Variants in ARL15 observed in about 807,000 individuals in gnomAD.
ARL15 encodes the protein ADP-ribosylation factor-like protein 15.
In ARL15, 19 loss-of-function variants were observed where a neutral mutation model predicts 25.2. The observed-to-expected ratio is 0.75, with a 90% CI of 0.53 to 1.10. The LOEUF (loss-of-function observed/expected upper bound fraction) is 1.10. ARL15 is among the 50% of genes least tolerant of loss of function. The probability of loss-of-function intolerance (pLI) is 0.00; values close to 1 mark genes in which losing one functional copy is unlikely to be tolerated. For synonymous variants in ARL15, 94 were observed against 86.8 expected, an observed-to-expected ratio of 1.08 and a Z score of -0.46; for missense variants, 220 against 246.0, an observed-to-expected ratio of 0.89 and a Z score of 0.71.
At chr5:54,189,973 A>G (rs1755349501) in intron 1 of ARL15, among the ~76,000 whole-genome samples, 1 of 152,228 alleles carries the variant, frequency 6.6e-6, no homozygotes, top group African/African-American at 2.4e-5. Context: ...CTGAACAATA[A>G]AAAAACTGTT....
chr5:54,300,277 G>A (rs1271364064), intron 1 of ARL15, among the ~76,000 whole-genome samples: 2 of 152,212 alleles, frequency 1.3e-5, no homozygotes, highest in East Asian at 1.9e-4. Flanking sequence ...CTCTTGGTAC[G>A]TTTGCTCTGT....
intron 1 of ARL15, among the ~76,000 whole-genome samples, chr5:54,304,883 A>G (rs1238378236): frequency 2.0e-5 from 3 of 152,186 alleles, no homozygotes; most frequent in Non-Finnish European, 4.4e-5. Flanking sequence ...CAGTTCACAG[A>G]TAACTGAACA....
intron 1 of ARL15, among the ~76,000 whole-genome samples, chr5:54,200,122 C>T (rs1270931666): frequency 3.0e-5 from 4 of 131,946 alleles, no homozygotes; most frequent in Non-Finnish European, 3.1e-5. Flanking sequence ...GGAAGGGGAA[C>T]ATCACACTCT....
chr5:54,206,263 T>C (rs773220003), intron 1 of ARL15, among the ~76,000 whole-genome samples: 73 of 152,202 alleles, frequency 4.8e-4, no homozygotes, highest in Non-Finnish European at 1.9e-4. Context: ...ATCAACCTTC[T>C]GAGTTTGTAC....
intron 3 of ARL15, among the ~76,000 whole-genome samples, chr5:54,120,730 A>G (rs1312095442): frequency 6.6e-6 from 1 of 152,184 alleles, no homozygotes; most frequent in Non-Finnish European, 1.5e-5. Context: ...ATTCTAGAAA[A>G]TCTGGTGGCA....
chr5:54,079,362 T>A (rs561732270), intron 4 of ARL15, among the ~76,000 whole-genome samples: 41 of 152,330 alleles, frequency 2.7e-4, no homozygotes, highest in African/African-American at 9.1e-4. Context: ...ACCATGGATC[T>A]TAACAGAAAC....
intron 4 of ARL15, among the ~76,000 whole-genome samples, chr5:53,954,923 C>T (rs1262577901): frequency 6.6e-5 from 10 of 152,118 alleles, no homozygotes; most frequent in Non-Finnish European, 1.5e-4. Flanking sequence ...ACATATGTGC[C>T]ATACTCCAAC....
At chr5:54,215,844 C>A (rs1472226683) in intron 1 of ARL15, among the ~76,000 whole-genome samples, 1 of 152,044 alleles carries the variant, frequency 6.6e-6, no homozygotes, top group African/African-American at 2.4e-5. Flanking sequence ...AAGAATGGAT[C>A]CAAGGTGTAA....
intron 1 of ARL15, among the ~76,000 whole-genome samples, chr5:54,173,979 C>T (rs1347949956): frequency 1.3e-5 from 2 of 152,122 alleles, no homozygotes; most frequent in East Asian, 1.9e-4. Flanking sequence ...ACTTAATCAT[C>T]CCATCCTCAG....
intron 4 of ARL15, among the ~76,000 whole-genome samples, chr5:53,905,055 C>A (rs940220649): frequency 3.3e-5 from 5 of 152,118 alleles, no homozygotes; most frequent in Admixed American, 2.6e-4. Context: ...ATTAACTGTT[C>A]AACTACCAGT....
intron 4 of ARL15, among the ~76,000 whole-genome samples, chr5:54,005,979 G>A (rs890260932): frequency 3.3e-5 from 5 of 150,488 alleles, no homozygotes; most frequent in African/African-American, 1.2e-4. Context: ...GAACCCAGGA[G>A]GTGGAGGTTG....
intron 4 of ARL15, among the ~76,000 whole-genome samples, chr5:54,096,039 C>G (rs928296292): frequency 1.3e-5 from 2 of 152,110 alleles, no homozygotes; most frequent in Non-Finnish European, 1.5e-5. Context: ...TAATTTATTA[C>G]TTCATTTTTG....
At chr5:54,105,487 A>C (rs1752560748) in intron 4 of ARL15, among the ~76,000 whole-genome samples, 1 of 152,230 alleles carries the variant, frequency 6.6e-6, no homozygotes, top group African/African-American at 2.4e-5. Context: ...AAATATTTAA[A>C]TATGCATACA....
At chr5:53,933,920 C>T (rs1322010657) in intron 4 of ARL15, among the ~76,000 whole-genome samples, 1 of 152,130 alleles carries the variant, frequency 6.6e-6, no homozygotes, top group Non-Finnish European at 1.5e-5. Flanking sequence ...ATGTAAATGA[C>T]CGCTGTGTGG....
intron 1 of ARL15, among the ~76,000 whole-genome samples, chr5:54,175,586 C>T (rs922226961): frequency 1.3e-5 from 2 of 151,884 alleles, no homozygotes; most frequent in Admixed American, 6.6e-5. Flanking sequence ...CCACTCACCT[C>T]AGCCTCCCAA....
intron 4 of ARL15, among the ~76,000 whole-genome samples, chr5:54,110,930 T>C (rs1023410961): frequency 7.2e-5 from 11 of 152,086 alleles, no homozygotes; most frequent in African/African-American, 2.7e-4. Context: ...GGCATTTTAA[T>C]ACAGTACACA....
At chr5:53,996,109 A>AGAAT (rs1748661311) in intron 4 of ARL15, among the ~76,000 whole-genome samples, 1 of 152,172 alleles carries the variant, frequency 6.6e-6, no homozygotes, top group African/African-American at 2.4e-5. Flanking sequence ...GATGTTCAGG[A>AGAAT]GAATGTTCAG....
intron 4 of ARL15, among the ~76,000 whole-genome samples, chr5:54,033,481 A>C (rs1042720982): frequency 3.9e-5 from 6 of 152,034 alleles, no homozygotes; most frequent in African/African-American, 1.2e-4. Context: ...CAGCCTGACC[A>C]ACATGGTGAA....
At chr5:54,216,350 C>T (rs912976058) in intron 1 of ARL15, among the ~76,000 whole-genome samples, 3 of 152,172 alleles carry the variant, frequency 2.0e-5, no homozygotes, top group Non-Finnish European at 2.9e-5. Context: ...TCTTACTACA[C>T]GGGGGTGTTA....
Sources: gnomAD v4.1 joint callset for allele counts (sites outside exome capture counted in the v4.1 genomes callset) on GRCh38, gnomAD v4.1.1 for gene constraint, MANE v1.5 for transcripts, NCBI Gene and HGNC (gene_info 2026-07-23, HGNC 2026-07-21) for gene names.